CDYL: variants seen among roughly 807,000 people sequenced by gnomAD.
CDYL encodes chromodomain Y like, also known as chromodomain Y-like protein.
Under a neutral mutation model 47.3 loss-of-function variants are expected in CDYL, and 8 were observed. That is an observed-to-expected ratio of 0.17 (90% CI 0.10 to 0.31). The LOEUF is 0.31. CDYL is among the 10% of genes least tolerant of loss of function. CDYL has a pLI of 1.00. For synonymous variants in CDYL, 266 were observed against 265.0 expected, an observed-to-expected ratio of 1.00 and a Z score of -0.04; for missense variants, 471 against 701.4, an observed-to-expected ratio of 0.67 and a Z score of 3.71.
intron 2 of CDYL, among the ~76,000 whole-genome samples, chr6:4,925,315 T>C (rs2127512254): frequency 6.6e-6 from 1 of 152,300 alleles, no homozygotes; most frequent in East Asian, 1.9e-4. Context: ...TGGCTAAGAA[T>C]GAGCACATTT....
intron 1 of CDYL, among the ~76,000 whole-genome samples, chr6:4,778,694 T>C (rs1196221113): frequency 6.6e-6 from 1 of 152,232 alleles, no homozygotes; most frequent in Non-Finnish European, 1.5e-5. Context: ...AAAGGTATTA[T>C]AGAAGTATAG....
intron 1 of CDYL, among the ~76,000 whole-genome samples, chr6:4,827,382 T>A (rs1760009263): frequency 6.6e-6 from 1 of 152,226 alleles, no homozygotes; most frequent in African/African-American, 2.4e-5. Flanking sequence ...CATTTGTGAT[T>A]AGTTGATCTT....
chr6:4,870,107 C>A (rs1237222141), intron 1 of CDYL, among the ~76,000 whole-genome samples: 1 of 151,988 alleles, frequency 6.6e-6, no homozygotes, highest in Non-Finnish European at 1.5e-5. Flanking sequence ...ATCTTTTGCA[C>A]AGGCTGGAGT....
chr6:4,952,516 C>A, intron 6 of CDYL, 107 bp downstream of exon 6: 1 of 1,222,876 alleles, frequency 8.2e-7, no homozygotes, highest in Non-Finnish European at 1.1e-6. Flanking sequence ...CGTTTGTCCT[C>A]AACAGAGCAC....
At chr6:4,879,552 GTT>G (rs59685693) in intron 1 of CDYL, among the ~76,000 whole-genome samples, 25,523 of 104,962 alleles carry the variant, frequency 0.24, 1,411 homozygotes, top group African/African-American at 0.29. Context: ...TTTTTGTGGG[GTT>G]TTTTTTTTTT....
rs1561697646 is a variant in CDYL at position 4,900,811 on chromosome 6, ATATAT to A, written c.691+8433_691+8437del. Among the ~76,000 whole-genome samples the A allele has an allele frequency of 2.7e-5, 3 of 109,206 alleles. 1 individual carries two copies. The highest frequency in any genetic ancestry group is 1.2e-4 in the African/African-American group (3 of 26,038). The allele number at this position is 109,206 out of a possible 152,430, so 71.6% of individuals were successfully genotyped here. A position where few individuals can be genotyped will look rare whatever the true frequency, so the allele number is the denominator to read the frequency against. ...TATATATATATATATATATATATAT[ATATAT>A]ATATATATATATATCTTGCCTGTTT... On this transcript the variant is annotated intron_variant, in intron 2 of 6. Coordinates refer to ENST00000397588, the MANE Select transcript of CDYL (RefSeq NM_004824.4).
chr6:4,803,206 C>T (rs1490407938), intron 1 of CDYL, among the ~76,000 whole-genome samples: 1 of 149,184 alleles, frequency 6.7e-6, no homozygotes, highest in African/African-American at 2.6e-5. Flanking sequence ...AGCTGGCTCC[C>T]TGAGTTTTCC....
Position 4,954,852 on chromosome 6 carries a change from G to A in CDYL, c.*796G>A, listed in dbSNP as rs1212510616. The stretch of plus-strand genomic sequence containing the variant: ...TTAGTGGGTTTTAAATAGTTTTTCT[G>A]ACCCTTCTGAAAAATAACTACATAA... On this transcript the variant is annotated 3_prime_UTR_variant, in exon 7 of 7. Transcript: ENST00000397588. 6.6e-6 allele frequency: 1 copy of A among 152,158 alleles called. No individual in the cohort carries two copies. The highest frequency in any genetic ancestry group is 1.5e-5 in the Non-Finnish European group (1 of 68,032). The allele number at this position is 152,158 out of a possible 1,614,324, so 9.4% of individuals were successfully genotyped here.
At chr6:4,905,577 A>G (rs1395763905) in intron 2 of CDYL, among the ~76,000 whole-genome samples, 1 of 152,126 alleles carries the variant, frequency 6.6e-6, no homozygotes, top group East Asian at 1.9e-4. Context: ...GAAAGGGGAA[A>G]TCAGTCATAA....
chr6:4,709,168 A>G lies in CDYL; in HGVS notation c.-39+2917A>G, dbSNP rs570612552. Among the ~76,000 whole-genome samples the G allele has an allele frequency of 3.9e-5, 6 of 152,056 alleles. No individual in the cohort carries two copies. In the East Asian group the frequency reaches 9.7e-4, roughly 25 times the overall value. On this transcript the variant is annotated intron_variant, in intron 1 of 8. Coordinates refer to the CDYL transcript ENST00000328908. ...CTTAGGGATAAGGCTGTTTGTCACTATGCACTAATTCTGCTATTCATTGCA... is the reference window on the plus strand; with the variant it reads ...CTTAGGGATAAGGCTGTTTGTCACTGTGCACTAATTCTGCTATTCATTGCA...
intron 2 of CDYL, among the ~76,000 whole-genome samples, chr6:4,720,818 A>G (rs1487982650): frequency 1.3e-5 from 2 of 152,228 alleles, no homozygotes; most frequent in East Asian, 3.8e-4. Context: ...CATTCGGATC[A>G]TGGTCGATTT....
chr6:4,827,828 G>T (rs139038509), intron 1 of CDYL, among the ~76,000 whole-genome samples: 4,034 of 151,932 alleles, frequency 0.027, 183 homozygotes, highest in African/African-American at 0.092. Flanking sequence ...CTAATTTTTG[G>T]ATTTTAAGTA....
intron 2 of CDYL, among the ~76,000 whole-genome samples, chr6:4,716,586 A>G (rs1384847273): frequency 6.8e-6 from 1 of 146,222 alleles, no homozygotes; most frequent in Non-Finnish European, 1.5e-5. Context: ...CAGAGAAGGC[A>G]GCAATAATTT....
At chr6:4,714,168 G>A (rs546323568) in intron 1 of CDYL, 2 of 151,584 alleles carry the variant, frequency 1.3e-5, no homozygotes, top group African/African-American at 4.8e-5. Flanking sequence ...ACGTGTGTTG[G>A]ATAGACTGAC....
At chr6:4,914,150 T>G (rs1029434597) in intron 2 of CDYL, among the ~76,000 whole-genome samples, 1 of 151,584 alleles carries the variant, frequency 6.6e-6, no homozygotes, top group Non-Finnish European at 1.5e-5. Context: ...GTGTCTCACC[T>G]GTGGGGGTGA....
At chr6:4,711,615 G>C (rs1039345384) in intron 1 of CDYL, among the ~76,000 whole-genome samples, 1 of 152,164 alleles carries the variant, frequency 6.6e-6, no homozygotes, top group Non-Finnish European at 1.5e-5. Context: ...TTCCTTGTGA[G>C]GGAGGGGGGA....
intron 3 of CDYL, among the ~76,000 whole-genome samples, chr6:4,741,807 A>C (rs1426762547): frequency 6.6e-6 from 1 of 152,150 alleles, no homozygotes; most frequent in Admixed American, 6.6e-5. Flanking sequence ...GGCAGCTAGT[A>C]GTTGATGCTG....
At chr6:4,718,131 C>T (rs1757304184) in intron 2 of CDYL, among the ~76,000 whole-genome samples, 1 of 152,068 alleles carries the variant, frequency 6.6e-6, no homozygotes, top group Non-Finnish European at 1.5e-5. Flanking sequence ...GCCACTAGAC[C>T]AGGTCCCAGA....
chr6:4,943,516 G>T, intron 4 of CDYL, 30 bp from the exon 5 acceptor site: 1 of 1,456,266 alleles, frequency 6.9e-7, no homozygotes, highest in South Asian at 1.2e-5. Flanking sequence ...GCAATGTTTT[G>T]AGTAATTCCC....
Sources: gnomAD v4.1 joint callset for allele counts (sites outside exome capture counted in the v4.1 genomes callset) on GRCh38, gnomAD v4.1.1 for gene constraint, MANE v1.5 for transcripts, NCBI Gene and HGNC (gene_info 2026-07-23, HGNC 2026-07-21) for gene names.